CDH13: variants seen among roughly 807,000 people sequenced by gnomAD.
The protein encoded by CDH13 is cadherin 13, also known as cadherin-13.
CDH13 carries 24 observed loss-of-function variants against 63.8 expected under a neutral mutation model. The ratio of observed to expected loss-of-function variants is 0.38; its 90% CI spans 0.27 to 0.53. The LOEUF (loss-of-function observed/expected upper bound fraction) is 0.53. Ranked by LOEUF, CDH13 falls within the 20% of genes least tolerant of loss-of-function variation. The probability of loss-of-function intolerance (pLI) is 0.85; values close to 1 mark genes in which losing one functional copy is unlikely to be tolerated. For missense variants in CDH13, 1,049 were observed against 903.1 expected (o/e 1.16, Z -2.07); for synonymous variants, 503 against 355.3 (o/e 1.42, Z -4.67).
chr16:83,066,775 C>G (rs770301548), intron 3 of CDH13, among the ~76,000 whole-genome samples: 2 of 152,198 alleles, frequency 1.3e-5, no homozygotes, highest in Non-Finnish European at 2.9e-5. Flanking sequence ...GACTGGAATG[C>G]TCAAAGTCCA....
chr16:83,651,588 C>CTTTTTTTTTTTTTTTTTTTTTTTTTT (rs35237670), intron 8 of CDH13, among the ~76,000 whole-genome samples: 3 of 75,306 alleles, frequency 4.0e-5, no homozygotes, highest in Non-Finnish European at 7.1e-5. Flanking sequence ...TTATTTTCCT[C>CTTTTTTTTTTTTTTTTTTTTTTTTTT]TTTTTTTTTT....
chr16:83,354,488 G>T (rs1174720835), intron 6 of CDH13, among the ~76,000 whole-genome samples: 1 of 152,154 alleles, frequency 6.6e-6, no homozygotes, highest in Non-Finnish European at 1.5e-5. Flanking sequence ...TTAAGACATT[G>T]CCACCTTCCT....
At chr16:83,171,835 T>G (rs1330722288) in intron 4 of CDH13, among the ~76,000 whole-genome samples, 1 of 152,128 alleles carries the variant, frequency 6.6e-6, no homozygotes, top group African/African-American at 2.4e-5. Flanking sequence ...CCGGTGCAGA[T>G]CAACATAAGA....
At chr16:83,724,459 G>A (rs1189168458) in intron 10 of CDH13, among the ~76,000 whole-genome samples, 1 of 152,012 alleles carries the variant, frequency 6.6e-6, no homozygotes, top group Non-Finnish European at 1.5e-5. Flanking sequence ...ATGCATGGGT[G>A]GATGATGAAT....
chr16:82,819,665 A>T (rs1327150495), intron 1 of CDH13, among the ~76,000 whole-genome samples: 28 of 152,324 alleles, frequency 1.8e-4, no homozygotes, highest in Non-Finnish European at 5.9e-5. Flanking sequence ...CTGGGCAGGG[A>T]CTGGAGAGCA....
intron 10 of CDH13, among the ~76,000 whole-genome samples, chr16:83,708,226 G>C (rs766332454): frequency 7.2e-5 from 11 of 152,218 alleles, no homozygotes; most frequent in Non-Finnish European, 1.5e-4. Flanking sequence ...CACATGCCTT[G>C]CAGCACAAGC....
At chr16:83,024,821 T>G (rs1432167221) in intron 2 of CDH13, among the ~76,000 whole-genome samples, 1 of 152,226 alleles carries the variant, frequency 6.6e-6, no homozygotes, top group East Asian at 1.9e-4. Context: ...GCTCTGTAAT[T>G]TCACTCCTTT....
At chr16:82,963,962 G>A (rs1907425981) in intron 2 of CDH13, among the ~76,000 whole-genome samples, 1 of 152,148 alleles carries the variant, frequency 6.6e-6, no homozygotes. Flanking sequence ...CTCCTTTGTG[G>A]GAGTCCCACA....
chr16:83,529,091 CTTT>C (rs10562201), intron 7 of CDH13, among the ~76,000 whole-genome samples: 292 of 140,434 alleles, frequency 2.1e-3, no homozygotes, highest in African/African-American at 4.7e-3. Flanking sequence ...ATACCTCTGT[CTTT>C]TTTTTTTTTT....
intron 7 of CDH13, among the ~76,000 whole-genome samples, chr16:83,515,100 G>A (rs970564074): frequency 2.0e-5 from 3 of 152,048 alleles, no homozygotes; most frequent in African/African-American, 4.8e-5. Flanking sequence ...GTGCTGTGTC[G>A]TAGGTCTGCT....
chr16:82,727,968 A>G (rs1291993174), intron 1 of CDH13, among the ~76,000 whole-genome samples: 1 of 152,184 alleles, frequency 6.6e-6, no homozygotes, highest in Non-Finnish European at 1.5e-5. Flanking sequence ...GAATGAGAGA[A>G]AAGTTAGAAT....
intron 7 of CDH13, among the ~76,000 whole-genome samples, chr16:83,572,236 G>C (rs1019491798): frequency 1.3e-5 from 2 of 149,218 alleles, no homozygotes; most frequent in African/African-American, 4.9e-5. Flanking sequence ...GCCCAGGTTG[G>C]AGTGCAATGG....
chr16:82,879,569 T>A (rs956660914), intron 2 of CDH13, among the ~76,000 whole-genome samples: 4 of 142,438 alleles, frequency 2.8e-5, no homozygotes, highest in Admixed American at 7.2e-5. Context: ...ATTGTATATT[T>A]TATATACAAT....
At chr16:83,199,534 A>G (rs2151764100) in intron 4 of CDH13, among the ~76,000 whole-genome samples, 1 of 152,368 alleles carries the variant, frequency 6.6e-6, no homozygotes, top group South Asian at 2.1e-4. Context: ...ACCACCAGGT[A>G]AAATGCACAC....
intron 2 of CDH13, among the ~76,000 whole-genome samples, chr16:82,986,999 T>C (rs1911025686): frequency 1.3e-5 from 2 of 152,186 alleles, no homozygotes; most frequent in Non-Finnish European, 2.9e-5. Flanking sequence ...CTTGATGGAA[T>C]TAGAATTTAG....
At chr16:83,005,515 A>G (rs1195156189) in intron 2 of CDH13, among the ~76,000 whole-genome samples, 1 of 152,088 alleles carries the variant, frequency 6.6e-6, no homozygotes, top group Non-Finnish European at 1.5e-5. Flanking sequence ...TCAGATGCCC[A>G]ATTTCTGTGT....
At chr16:83,092,998 A>T (rs1468771494) in intron 3 of CDH13, among the ~76,000 whole-genome samples, 1 of 152,200 alleles carries the variant, frequency 6.6e-6, no homozygotes, top group Non-Finnish European at 1.5e-5. Flanking sequence ...AGTATCTACT[A>T]ATGAAAATGT....
intron 11 of CDH13, among the ~76,000 whole-genome samples, chr16:83,752,201 A>G (rs2150977170): frequency 6.6e-6 from 1 of 152,378 alleles, no homozygotes; most frequent in Middle Eastern, 3.4e-3. Context: ...TGGATGAAAT[A>G]TAGCGTAGCA....
chr16:83,615,997 C>T (rs918922364), intron 8 of CDH13, among the ~76,000 whole-genome samples: 2 of 152,084 alleles, frequency 1.3e-5, no homozygotes, highest in African/African-American at 4.8e-5. Context: ...ATATCGGAGG[C>T]CCTGGAAACA....
Sources: allele counts gnomAD v4.1 joint callset (sites outside exome capture counted in the v4.1 genomes callset), GRCh38; gene constraint gnomAD v4.1.1; transcripts MANE v1.5; gene names NCBI Gene and HGNC (gene_info 2026-07-23, HGNC 2026-07-21).